Variants in RIT2 observed in about 807,000 individuals in gnomAD.
The protein encoded by RIT2 is GTP-binding protein Rit2.
RIT2 carries 24 observed loss-of-function variants against 23.7 expected under a neutral mutation model. The ratio of observed to expected loss-of-function variants is 1.01; its 90% CI spans 0.73 to 1.43. The LOEUF (loss-of-function observed/expected upper bound fraction) is 1.43, where lower values mean the gene tolerates loss of function less well. RIT2 is among the 40% of genes most tolerant of loss of function. RIT2 has a pLI of 0.00. For synonymous variants in RIT2, 107 were observed against 91.1 expected, an observed-to-expected ratio of 1.17 and a Z score of -0.99; for missense variants, 236 against 266.9, an observed-to-expected ratio of 0.88 and a Z score of 0.81.
chr18:43,035,231 T>A (rs139635342), intron 1 of RIT2, among the ~76,000 whole-genome samples: 203 of 152,328 alleles, frequency 1.3e-3, no homozygotes, highest in African/African-American at 4.6e-3. Flanking sequence ...ATTGTTTACT[T>A]CCTTTATTTG....
intron 4 of RIT2, among the ~76,000 whole-genome samples, chr18:42,820,021 G>A (rs763140316): frequency 6.6e-6 from 1 of 152,036 alleles, no homozygotes; most frequent in Non-Finnish European, 1.5e-5. Flanking sequence ...CCAATATAAT[G>A]TCTACATATC....
At chr18:43,033,022 A>T (rs771337190) in intron 2 of RIT2, among the ~76,000 whole-genome samples, 2 of 152,186 alleles carry the variant, frequency 1.3e-5, no homozygotes, top group Admixed American at 1.3e-4. Context: ...CCAGGCAACC[A>T]GTCAGCCATG....
At chr18:42,965,566 A>T (rs1274998645) in intron 3 of RIT2, among the ~76,000 whole-genome samples, 1 of 152,136 alleles carries the variant, frequency 6.6e-6, no homozygotes, top group African/African-American at 2.4e-5. Flanking sequence ...TATATGGACC[A>T]TGTAAATCAA....
intron 3 of RIT2, among the ~76,000 whole-genome samples, chr18:42,931,707 G>A (rs1335265001): frequency 2.0e-5 from 3 of 152,040 alleles, no homozygotes; most frequent in South Asian, 2.1e-4. Context: ...TTTTCCTGCC[G>A]ATAAAACCTA....
intron 1 of RIT2, among the ~76,000 whole-genome samples, chr18:43,068,602 A>C (rs779581310): frequency 6.6e-6 from 1 of 152,188 alleles, no homozygotes; most frequent in Non-Finnish European, 1.5e-5. Context: ...GCATAACTGC[A>C]TTCTGGGAGG....
intron 1 of RIT2, among the ~76,000 whole-genome samples, chr18:43,034,277 G>T (rs1394236550): frequency 6.6e-6 from 1 of 152,046 alleles, no homozygotes; most frequent in African/African-American, 2.4e-5. Context: ...CATCTTTAAA[G>T]TGAATAGATA....
chr18:43,018,536 A>T (rs1209225172), intron 2 of RIT2, among the ~76,000 whole-genome samples: 1 of 152,040 alleles, frequency 6.6e-6, no homozygotes, highest in South Asian at 2.1e-4. Flanking sequence ...AAAAATATCT[A>T]GGCACATAGA....
intron 4 of RIT2, among the ~76,000 whole-genome samples, chr18:42,916,978 T>G (rs1187767135): frequency 1.3e-5 from 2 of 152,076 alleles, no homozygotes; most frequent in Non-Finnish European, 2.9e-5. Context: ...CCTGTCAGTA[T>G]CTCACATTGG....
intron 1 of RIT2, among the ~76,000 whole-genome samples, chr18:43,102,083 A>G (rs186522809): frequency 3.3e-5 from 5 of 152,208 alleles, no homozygotes; most frequent in Admixed American, 2.0e-4. Context: ...CAGCTTCCTG[A>G]CATCAGGGAG....
chr18:42,766,899 T>C (rs1469304815), intron 4 of RIT2, among the ~76,000 whole-genome samples: 1 of 152,234 alleles, frequency 6.6e-6, no homozygotes, highest in Admixed American at 6.5e-5. Context: ...CCTGGGCTTT[T>C]GCAGGCTCCA....
At chr18:42,926,403 T>C (rs1391153869) in intron 3 of RIT2, among the ~76,000 whole-genome samples, 1 of 151,946 alleles carries the variant, frequency 6.6e-6, no homozygotes, top group Non-Finnish European at 1.5e-5. Flanking sequence ...AAGAATGTAG[T>C]AGTTGTCTTT....
chr18:42,879,048 C>G (rs562663374), intron 4 of RIT2, among the ~76,000 whole-genome samples: 2 of 152,078 alleles, frequency 1.3e-5, no homozygotes, highest in African/African-American at 4.8e-5. Context: ...AAATTATTCT[C>G]ATTTTCTCTC....
chr18:43,024,017 G>C (rs906575271), intron 2 of RIT2, among the ~76,000 whole-genome samples: 1 of 152,012 alleles, frequency 6.6e-6, no homozygotes, highest in African/African-American at 2.4e-5. Flanking sequence ...AGGATAGTAA[G>C]GACATCAAAT....
At chr18:43,114,253 C>A (rs1209668799) in intron 1 of RIT2, among the ~76,000 whole-genome samples, 2 of 151,956 alleles carry the variant, frequency 1.3e-5, no homozygotes, top group Non-Finnish European at 2.9e-5. Flanking sequence ...TATGAGAATT[C>A]TCTTTTGTAG....
At chr18:42,824,512 C>A (rs983637926) in intron 4 of RIT2, among the ~76,000 whole-genome samples, 6 of 151,938 alleles carry the variant, frequency 3.9e-5, no homozygotes, top group Admixed American at 6.6e-5. Flanking sequence ...TACTTTTCAA[C>A]CTTTTTTCTC....
At chr18:42,973,986 A>C in intron 3 of RIT2, 88 bp downstream of exon 3, 1 of 807,692 alleles carries the variant, frequency 1.2e-6, no homozygotes, top group Non-Finnish European at 2.0e-6. Flanking sequence ...TGCTTGAATA[A>C]AGTCATCTTC....
At chr18:42,905,920 A>AT (rs957790698) in intron 4 of RIT2, among the ~76,000 whole-genome samples, 3 of 150,050 alleles carry the variant, frequency 2.0e-5, no homozygotes, top group African/African-American at 7.3e-5. Flanking sequence ...AAAAAAAAAA[A>AT]ATATTTATAA....
intron 2 of RIT2, among the ~76,000 whole-genome samples, chr18:42,975,133 T>G (rs532418886): frequency 6.6e-6 from 1 of 152,214 alleles, no homozygotes; most frequent in Non-Finnish European, 1.5e-5. Context: ...TGCTATTTTT[T>G]TGACTTTTAA....
At chr18:42,782,234 T>TA (rs1193244419) in intron 4 of RIT2, among the ~76,000 whole-genome samples, 2 of 152,142 alleles carry the variant, frequency 1.3e-5, no homozygotes, top group East Asian at 1.9e-4. Flanking sequence ...AGCTAATTTA[T>TA]AAAATTAATA....
Sources: allele counts gnomAD v4.1 joint callset (sites outside exome capture counted in the v4.1 genomes callset), GRCh38; gene constraint gnomAD v4.1.1; transcripts MANE v1.5; gene names NCBI Gene and HGNC (gene_info 2026-07-23, HGNC 2026-07-21).